Variants in FSTL4 observed in about 807,000 individuals in gnomAD.
The protein encoded by FSTL4 is follistatin like 4.
A neutral mutation model predicts 78.2 loss-of-function variants in FSTL4; 28 were observed. That is an observed-to-expected ratio of 0.36 (90% CI 0.27 to 0.49). FSTL4 has a LOEUF of 0.49. Among genes scored for constraint, FSTL4 ranks in the 20% least tolerant of loss-of-function variants. The pLI, the probability that FSTL4 is intolerant of heterozygous loss-of-function variation, is 0.98. For missense variants in FSTL4, 922 were observed against 1,084.9 expected (o/e 0.85, Z 2.11); for synonymous variants, 422 against 440.5 (o/e 0.96, Z 0.53).
At chr5:133,297,132 AAT>A (rs1753414209) in intron 6 of FSTL4, among the ~76,000 whole-genome samples, 1 of 152,252 alleles carries the variant, frequency 6.6e-6, no homozygotes. Flanking sequence ...TTTCATGTCA[AAT>A]AGTGTTACCA....
intron 3 of FSTL4, among the ~76,000 whole-genome samples, chr5:133,509,947 A>C (rs1028671906): frequency 6.6e-6 from 1 of 152,244 alleles, no homozygotes; most frequent in Non-Finnish European, 1.5e-5. Context: ...AGCTCTAGGG[A>C]CAAACATCTG....
the FSTL4 span, among the ~76,000 whole-genome samples, chr5:133,796,515 G>A: frequency 2.6e-5 from 4 of 152,134 alleles, no homozygotes; most frequent in Non-Finnish European, 5.9e-5. Context: ...GGATGGATGA[G>A]GAGCCAGAAG....
At chr5:133,815,396 T>C in the FSTL4 span, among the ~76,000 whole-genome samples, 593 of 152,346 alleles carry the variant, frequency 3.9e-3, 5 homozygotes, top group African/African-American at 0.014. Flanking sequence ...CAATGCCTCC[T>C]GCCTGATTTA....
At position 133,274,380 on chromosome 5, in the gene FSTL4, C is replaced by CTTTTTTTTTTTTTTTTTTTTTTT. The variant is rs59634629; in HGVS notation, c.728-24805_728-24804insAAAAAAAAAAAAAAAAAAAAAAA. On this transcript the variant is annotated intron_variant, in intron 6 of 15. Coordinates refer to ENST00000265342, the MANE Select transcript of FSTL4 (RefSeq NM_015082.2). Reference sequence around the variant, plus strand: ...ATTCTCAGAAAAAGGGCAATCTGTGCTTTTTTTTTTTTTTTTAGGAGAACA... The same window carrying CTTTTTTTTTTTTTTTTTTTTTTT: ...ATTCTCAGAAAAAGGGCAATCTGTGCTTTTTTTTTTTTTTTTTTTTTTTTTTTTTTTTTTTTTTTAGGAGAACA... Among the ~76,000 whole-genome samples the CTTTTTTTTTTTTTTTTTTTTTTT allele has an allele frequency of 2.8e-5, 2 of 71,030 alleles. 1 individual carries two copies. The highest frequency in any genetic ancestry group is 1.1e-4 in the African/African-American group (2 of 17,596). 46.6% of individuals were successfully genotyped at this position (71,030 alleles called of 152,430 possible).
At chr5:133,317,674 CTCTA>C (rs1390016239) in intron 4 of FSTL4, among the ~76,000 whole-genome samples, 2 of 152,240 alleles carry the variant, frequency 1.3e-5, no homozygotes, top group African/African-American at 4.8e-5. Flanking sequence ...TGGGTTTGAG[CTCTA>C]GCTCTGCTGC....
At chr5:133,393,640 C>T (rs1260440438) in intron 4 of FSTL4, among the ~76,000 whole-genome samples, 1 of 152,238 alleles carries the variant, frequency 6.6e-6, no homozygotes, top group Non-Finnish European at 1.5e-5. Context: ...AAAGTGGAGG[C>T]CAGCTTCCAA....
intron 6 of FSTL4, 70 bp from the exon 7 acceptor site, chr5:133,249,646 A>G: frequency 7.8e-7 from 1 of 1,275,504 alleles, no homozygotes. Context: ...CAAGGTGAAT[A>G]GCCATGAATT....
Position 133,400,986 on chromosome 5 carries a change from C to T in FSTL4, c.161G>A (p.Gly54Glu), listed in dbSNP as rs773759029. Residue 54 changes from glycine to glutamate, a missense_variant and splice_region_variant, in exon 4 of 16, where the codon GGG (glycine) becomes GAG (glutamate). By Grantham distance (98) the Gly-to-Glu change is moderately conservative (BLOSUM62 -2). Transcript: ENST00000265342. ...PRSFEVTRRE[G>E]LSSHNELLAS... ...CAGCAGCTCGTTGTGGCTGGAAAGC[C>T]CTGCCAGACACACAAACACAGAGGG... 4.3e-6 allele frequency: 7 copies of T among 1,612,926 alleles called. No homozygotes were observed. Among genetic ancestry groups the T allele is most frequent in the Non-Finnish European group, 5.1e-6 (6 of 1,180,024 alleles).
the FSTL4 span, among the ~76,000 whole-genome samples, chr5:133,758,334 C>A: frequency 6.6e-6 from 1 of 152,040 alleles, no homozygotes; most frequent in Non-Finnish European, 1.5e-5. Context: ...TTAGAAAATA[C>A]AAAAATAAAT....
chr5:133,637,966 A>G, the FSTL4 span, among the ~76,000 whole-genome samples: 1 of 150,940 alleles, frequency 6.6e-6, no homozygotes, highest in Non-Finnish European at 1.5e-5. Context: ...TAATAATAAT[A>G]ATAATAATAA....
intron 4 of FSTL4, among the ~76,000 whole-genome samples, chr5:133,375,563 GC>G (rs1165996796): frequency 2.6e-5 from 4 of 152,108 alleles, no homozygotes; most frequent in African/African-American, 9.6e-5. Context: ...TCAGAAAACA[GC>G]TGGAGTGTTG....
the FSTL4 span, among the ~76,000 whole-genome samples, chr5:133,754,464 A>G: frequency 6.6e-6 from 1 of 152,232 alleles, no homozygotes; most frequent in Non-Finnish European, 1.5e-5. Context: ...AAAATTCACA[A>G]TGGCAGAAGT....
the FSTL4 span, among the ~76,000 whole-genome samples, chr5:133,837,125 A>G: frequency 6.7e-6 from 1 of 148,480 alleles, no homozygotes; most frequent in South Asian, 2.1e-4. Context: ...ATTTCCTATC[A>G]TTTTTTTTCT....
chr5:133,481,083 C>T (rs1758018241), intron 3 of FSTL4, among the ~76,000 whole-genome samples: 1 of 152,212 alleles, frequency 6.6e-6, no homozygotes, highest in Admixed American at 6.5e-5. Flanking sequence ...ACAAGCTAGC[C>T]TGCCAGGGGC....
rs1751654417 is a variant in FSTL4 at position 133,236,183 on chromosome 5, C to G, written c.895-2646G>C. ...CCCCTTCTCATGATGGCCCTTGAAG[C>G]TGGCCTCAGGCTCTGGCAGGCCCTG... On this transcript the variant is annotated intron_variant, in intron 7 of 15. Coordinates refer to ENST00000265342, the MANE Select transcript of FSTL4 (RefSeq NM_015082.2). This position sits in a 1 kb window ranked among gnomAD's most constrained non-coding sequence, Gnocchi z 5.0. Among the ~76,000 whole-genome samples the G allele has an allele frequency of 6.6e-6, 1 of 152,166 alleles. No homozygotes were observed. The highest frequency in any genetic ancestry group is 2.1e-4 in the South Asian group (1 of 4,818).
chr5:133,611,494 C>T lies in FSTL4; in HGVS notation c.-11+831G>A, dbSNP rs1761090859. Among the ~76,000 whole-genome samples the T allele has an allele frequency of 6.6e-6, 1 of 152,240 alleles. No individual in the cohort carries two copies. Among genetic ancestry groups the T allele is most frequent in the Non-Finnish European group, 1.5e-5 (1 of 68,038 alleles). On this transcript the variant is annotated intron_variant, in intron 1 of 15. Transcript: ENST00000265342. This position sits in a 1 kb window ranked among gnomAD's most constrained non-coding sequence, Gnocchi z 4.9. ...CCTCGTCCAGGTCCCTCCTGAAACT[C>T]AGAACTCGTCTTTGTTTTGCGGGCG...
intron 2 of FSTL4, among the ~76,000 whole-genome samples, chr5:133,590,617 G>T (rs2112966239): frequency 6.6e-6 from 1 of 152,224 alleles, no homozygotes; most frequent in Admixed American, 6.5e-5. Flanking sequence ...GCACTAAGGA[G>T]CTCCCTACAG....
rs148641513 is a variant in FSTL4 at position 133,202,476 on chromosome 5, G to A, written c.1717-434C>T. 3.6e-3 allele frequency: 557 copies of A among 153,044 alleles called. 2 individuals carry two copies. The highest frequency in any genetic ancestry group is 6.2e-3 in the Non-Finnish European group (425 of 68,478). 9.5% of individuals were successfully genotyped at this position (153,044 alleles called of 1,614,324 possible). On this transcript the variant is annotated intron_variant, in intron 14 of 15. Transcript: ENST00000265342. ...TTCTCAACATGTAAGCCAGGCTAGG[G>A]AAAGTGGGAGAGGGCTGTCAATCAT...
At chr5:133,220,343 C>T (rs1751052194) in intron 12 of FSTL4, among the ~76,000 whole-genome samples, 4 of 152,266 alleles carry the variant, frequency 2.6e-5, no homozygotes, top group African/African-American at 9.6e-5. Context: ...TTCCTGGATC[C>T]TCTATCAGCA....
Sources: allele counts gnomAD v4.1 joint callset (sites outside exome capture counted in the v4.1 genomes callset), GRCh38; gene constraint gnomAD v4.1.1; non-coding constraint Gnocchi (gnomAD v3.1); transcripts MANE v1.5; gene names NCBI Gene and HGNC (gene_info 2026-07-23, HGNC 2026-07-21).